Variants in COX8C observed in about 807,000 individuals in gnomAD.
COX8C encodes the protein cytochrome c oxidase subunit 8C, also known as cytochrome c oxidase subunit 8C, mitochondrial.
A neutral mutation model predicts 3.5 loss-of-function variants in COX8C; 3 were observed. That is an observed-to-expected ratio of 0.86 (90% CI 0.39 to 2.24). COX8C has a LOEUF of 2.24. Ranked by LOEUF, COX8C falls within the 30% of genes most tolerant of loss-of-function variation. COX8C has a pLI of 0.05. For synonymous variants in COX8C, 46 were observed against 44.1 expected (o/e 1.04, Z -0.17); for missense variants, 113 against 102.5 (o/e 1.10, Z -0.44).
At position 93,348,269 on chromosome 14, in the gene COX8C, T is replaced by A. The variant is rs2053910555; in HGVS notation, c.*149T>A. On this transcript the variant is annotated 3_prime_UTR_variant, in exon 2 of 2. Transcript: ENST00000342144. ...GTTTATGATGAATATTTTGCACTTTTTTAGTACTGTGCATTATATAGATGT... is the reference window on the plus strand; with the variant it reads ...GTTTATGATGAATATTTTGCACTTTATTAGTACTGTGCATTATATAGATGT... 6 of 610,086 alleles carry A rather than the reference T, an allele frequency of 9.8e-6. No individual in the cohort carries two copies. The highest frequency in any genetic ancestry group is 1.8e-5 in the African/African-American group (1 of 54,504). 37.8% of individuals were successfully genotyped at this position (610,086 alleles called of 1,614,324 possible). A position where few individuals can be genotyped will look rare whatever the true frequency, so the allele number is the denominator to read the frequency against.
At chr14:93,347,574 A>C (rs2053882790) in intron 1 of COX8C, among the ~76,000 whole-genome samples, 180 bp downstream of exon 1, 1 of 150,410 alleles carries the variant, frequency 6.6e-6, no homozygotes, top group South Asian at 2.1e-4. Context: ...TTCCTGGGAG[A>C]GGGTCGCGGT....
At chr14:93,347,944 G>A in intron 1 of COX8C, 84 bp from the exon 2 acceptor site, 2 of 823,040 alleles carry the variant, frequency 2.4e-6, no homozygotes, top group South Asian at 2.8e-5. Flanking sequence ...TGCTCAAAAT[G>A]TTTTTTTTAA....
intron 1 of COX8C, 89 bp downstream of exon 1, chr14:93,347,483 G>A (rs926471953): frequency 9.7e-6 from 13 of 1,339,070 alleles, no homozygotes; most frequent in South Asian, 1.7e-5. Context: ...AGGACACGGC[G>A]TGCAGGCCTC....
chr14:93,347,289 C>G lies in COX8C; in HGVS notation c.21C>G (p.Arg7=). MPLLRG[R]CPARRHYRRL... is the part of the protein sequence containing the mutation. ...GCGATATGCCTCTCCTGCGTGGGCGCTGTCCTGCCCGCCGCCACTACCGCC... is the reference window on the plus strand; with the variant it reads ...GCGATATGCCTCTCCTGCGTGGGCGGTGTCCTGCCCGCCGCCACTACCGCC... The change falls in exon 1 of 2, where the codon CGC becomes CGG. Residue 7 remains arginine (R), a synonymous_variant. Transcript: ENST00000342144. The G allele has an allele frequency of 1.2e-6, 2 of 1,605,290 alleles. No homozygotes were observed. Among genetic ancestry groups the G allele is most frequent in the Non-Finnish European group, 1.7e-6 (2 of 1,177,318 alleles).
chr14:93,347,989 G>A (rs1215839520), intron 1 of COX8C, 39 bp from the exon 2 acceptor site: 1 of 1,246,110 alleles, frequency 8.0e-7, no homozygotes, highest in Non-Finnish European at 1.2e-6. Context: ...ACTGGCCTAG[G>A]AAGCCATACT....
rs1448496442 is a variant in COX8C, at chr14:93,347,242, G to A, written c.-27G>A. ...GCCTCACCTCACCTGTGCTGTCCAC[G>A]CCTGGCTTTGTCTCACCTGACGCGA... On this transcript the variant is annotated 5_prime_UTR_variant, in exon 1 of 2. Coordinates refer to ENST00000342144, the MANE Select transcript of COX8C (RefSeq NM_182971.3). The A allele has an allele frequency of 6.3e-7, 1 of 1,583,742 alleles. No individual in the cohort carries two copies. Among genetic ancestry groups the A allele is most frequent in the Non-Finnish European group, 8.6e-7 (1 of 1,165,408 alleles).
intron 1 of COX8C, 79 bp downstream of exon 1, chr14:93,347,473 A>C (rs2053878994): frequency 2.2e-6 from 3 of 1,364,748 alleles, no homozygotes; most frequent in Admixed American, 6.9e-5. Flanking sequence ...GGGAGAAGGG[A>C]GGACACGGCG....
Position 93,348,021 on chromosome 14 carries a change from C to G in COX8C, c.127-7C>G. The G allele has an allele frequency of 1.3e-6, 2 of 1,590,994 alleles. No homozygotes were observed. Among genetic ancestry groups the G allele is most frequent in the South Asian group, 2.2e-5 (2 of 90,544 alleles). On this transcript the variant is annotated splice_region_variant and splice_polypyrimidine_tract_variant and intron_variant, in intron 1 of 1. Coordinates refer to ENST00000342144, the MANE Select transcript of COX8C (RefSeq NM_182971.3). ...TACTCAGCAGCGCGTGTCATCTTCT[C>G]TTCCAGGAAATGGCTGTTGGACTTG...
Position 93,348,046 on chromosome 14 carries a change from G to C in COX8C, c.145G>C (p.Val49Leu), listed in dbSNP as rs1337341870. The change falls in exon 2 of 2, where the codon GTG (valine) becomes CTG (leucine). Residue 49 changes from valine (V) to leucine (L), a missense_variant. Val to Leu is a conservative substitution (Grantham distance 32). Coordinates refer to ENST00000342144, the MANE Select transcript of COX8C (RefSeq NM_182971.3). ...LSAAEMAVGL[V>L]VFFTTFLTPA... ...CTTCCAGGAAATGGCTGTTGGACTT[G>C]TGGTGTTTTTTACGACCTTCTTAAC... is the stretch of plus-strand genomic sequence containing the variant. The C allele has an allele frequency of 4.3e-6, 7 of 1,610,958 alleles. No individual in the cohort carries two copies. In the Admixed American group the frequency reaches 1.0e-4, roughly 23 times the overall value.
intron 1 of COX8C, among the ~76,000 whole-genome samples, chr14:93,347,654 C>T (rs917678451): frequency 6.6e-5 from 10 of 152,026 alleles, no homozygotes; most frequent in Non-Finnish European, 1.3e-4. Flanking sequence ...ATTGGGCCTC[C>T]TTCGTTGTTA....
Position 93,348,163 on chromosome 14 carries a change from T to G in COX8C, c.*43T>G. The G allele has an allele frequency of 8.0e-7, 1 of 1,254,580 alleles. No individual in the cohort carries two copies. The highest frequency in any genetic ancestry group is 1.2e-6 in the Non-Finnish European group (1 of 856,148). 77.7% of individuals were successfully genotyped at this position (1,254,580 alleles called of 1,614,324 possible). A position where few individuals can be genotyped will look rare whatever the true frequency, so the allele number is the denominator to read the frequency against. On this transcript the variant is annotated 3_prime_UTR_variant, in exon 2 of 2. Coordinates refer to ENST00000342144, the MANE Select transcript of COX8C (RefSeq NM_182971.3). ...ACAGCTGTTAACGTCCAAAAAACTTTCAGAAAAAGCTGTGTTTTTGTTAAC... is the reference window on the plus strand; with the variant it reads ...ACAGCTGTTAACGTCCAAAAAACTTGCAGAAAAAGCTGTGTTTTTGTTAAC...
chr14:93,347,915 T>C, intron 1 of COX8C, 113 bp from the exon 2 acceptor site: 1 of 637,818 alleles, frequency 1.6e-6, no homozygotes, highest in Non-Finnish European at 2.8e-6. Context: ...GGCGCCTGTT[T>C]CTAGGACAAC....
At chr14:93,347,494 G>T in intron 1 of COX8C, 100 bp downstream of exon 1, 1 of 1,280,548 alleles carries the variant, frequency 7.8e-7, no homozygotes, top group African/African-American at 1.6e-5. Context: ...TGCAGGCCTC[G>T]CGTGGGAGGC....
chr14:93,348,294 T>C lies in COX8C; in HGVS notation c.*174T>C. The C allele has an allele frequency of 2.0e-6, 1 of 508,224 alleles. No homozygotes were observed. The highest frequency in any genetic ancestry group is 3.5e-6 in the Non-Finnish European group (1 of 285,738). 31.5% of individuals were successfully genotyped at this position (508,224 alleles called of 1,614,324 possible). A position where few individuals can be genotyped will look rare whatever the true frequency, so the allele number is the denominator to read the frequency against. Reference sequence around the variant, plus strand: ...TTTAGTACTGTGCATTATATAGATGTATAGTCAAAAATGTTCTGCTTAAGT... The same window carrying C: ...TTTAGTACTGTGCATTATATAGATGCATAGTCAAAAATGTTCTGCTTAAGT... On this transcript the variant is annotated 3_prime_UTR_variant, in exon 2 of 2. Transcript: ENST00000342144.
chr14:93,347,579 C>A (rs1595372090), intron 1 of COX8C, among the ~76,000 whole-genome samples, 185 bp downstream of exon 1: 1 of 151,890 alleles, frequency 6.6e-6, no homozygotes, highest in African/African-American at 2.4e-5. Context: ...GGGAGAGGGT[C>A]GCGGTGAGGA....
In COX8C at chr14:93,348,151, T is replaced by G. The variant is rs2053906721; in HGVS notation, c.*31T>G. ...AGATGATGTTGAACAGCTGTTAACG[T>G]CCAAAAAACTTTCAGAAAAAGCTGT... On this transcript the variant is annotated 3_prime_UTR_variant, in exon 2 of 2. Transcript: ENST00000342144. The G allele has an allele frequency of 7.4e-7, 1 of 1,348,248 alleles. No individual in the cohort carries two copies. The highest frequency in any genetic ancestry group is 1.4e-5 in the African/African-American group (1 of 69,284). 83.5% of individuals were successfully genotyped at this position (1,348,248 alleles called of 1,614,324 possible). A position where few individuals can be genotyped will look rare whatever the true frequency, so the allele number is the denominator to read the frequency against.
At position 93,348,192 on chromosome 14, in the gene COX8C, C is replaced by G. The variant is rs1355467914; in HGVS notation, c.*72C>G. The G allele has an allele frequency of 1.1e-5, 10 of 889,208 alleles. No individual in the cohort carries two copies. Among genetic ancestry groups the G allele is most frequent in the Non-Finnish European group, 1.9e-5 (10 of 528,634 alleles). 55.1% of individuals were successfully genotyped at this position (889,208 alleles called of 1,614,324 possible). Reference sequence around the variant, plus strand: ...AAAAAGCTGTGTTTTTGTTAACGAGCAAAATTGCCTAGTTGAGTTGATGCA... The same window carrying G: ...AAAAAGCTGTGTTTTTGTTAACGAGGAAAATTGCCTAGTTGAGTTGATGCA... On this transcript the variant is annotated 3_prime_UTR_variant, in exon 2 of 2. Transcript: ENST00000342144.
At position 93,347,323 on chromosome 14, in the gene COX8C, C is replaced by G. The variant is rs267604100; in HGVS notation, c.55C>G (p.Leu19Val). The G allele has an allele frequency of 6.2e-7, 1 of 1,603,706 alleles. No homozygotes were observed. The highest frequency in any genetic ancestry group is 8.5e-7 in the Non-Finnish European group (1 of 1,177,992). ...CCGCCGCCACTACCGCCGCTTGGCC[C>G]TGCTCGGCCTGCAGCCCGCTCCCCG... ...PARRHYRRLA[L>V]LGLQPAPRFA... Residue 19 changes from leucine (L) to valine (V), a missense_variant, in exon 1 of 2, where the codon CTG becomes GTG. Leu to Val is a conservative substitution (Grantham distance 32, BLOSUM62 1). Transcript: ENST00000342144.
rs776903057 is a variant in COX8C, at chr14:93,347,337, G to GCCCGCTC, written c.76_82dup (p.Phe28SerfsTer52). 3 of 1,600,342 alleles carry GCCCGCTC rather than the reference G, an allele frequency of 1.9e-6. No homozygotes were observed. The highest frequency in any genetic ancestry group is 1.7e-6 in the Non-Finnish European group (2 of 1,177,042). On this transcript the variant is annotated frameshift_variant, in exon 1 of 2. Coordinates refer to ENST00000342144, the MANE Select transcript of COX8C (RefSeq NM_182971.3). LOFTEE classifies it high-confidence loss of function. ...GCCGCTTGGCCCTGCTCGGCCTGCA[G>GCCCGCTC]CCCGCTCCCCGCTTCGCCCACTCGG...
Sources: allele counts gnomAD v4.1 joint callset (sites outside exome capture counted in the v4.1 genomes callset), GRCh38; gene constraint gnomAD v4.1.1; transcripts MANE v1.5; gene names NCBI Gene and HGNC (gene_info 2026-07-23, HGNC 2026-07-21).